CELF2: variants seen among roughly 807,000 people sequenced by gnomAD.
CELF2 encodes CUG triplet repeat RNA-binding protein 2.
A neutral mutation model predicts 62.6 loss-of-function variants in CELF2; 8 were observed. The ratio of observed to expected loss-of-function variants is 0.13; its 90% CI spans 0.07 to 0.23. The LOEUF (loss-of-function observed/expected upper bound fraction) is 0.23. Among genes scored for constraint, CELF2 ranks in the 10% least tolerant of loss-of-function variants. The pLI is 1.00. For synonymous variants in CELF2, 258 were observed against 250.0 expected (o/e 1.03, Z -0.30); for missense variants, 333 against 671.0 (o/e 0.50, Z 5.56).
chr10:11,156,881 A>G lies in CELF2; in HGVS notation c.75-8605A>G, dbSNP rs564205532. ...GCCAGTATGAAAGACAGGGAAGATG[A>G]GCCTAAAAGCTGATTGGAGGAAAAG... is the stretch of plus-strand genomic sequence containing the variant. On this transcript the variant is annotated intron_variant, in intron 1 of 12. Coordinates refer to ENST00000633077, the MANE Select transcript of CELF2 (RefSeq NM_001326342.2). The surrounding 1 kb of genome is among the most constrained non-coding windows in gnomAD (Gnocchi z 4.3). Among the ~76,000 whole-genome samples, 8 of 152,342 alleles carry G rather than the reference A, an allele frequency of 5.3e-5. No homozygotes were observed. In the South Asian group the frequency reaches 1.7e-3, roughly 32 times the overall value.
the CELF2 span, among the ~76,000 whole-genome samples, chr10:10,693,494 C>T: frequency 7.3e-5 from 11 of 151,662 alleles, no homozygotes; most frequent in South Asian, 4.2e-4. Context: ...TGTCTCTGCC[C>T]GGCTTTGGTA....
intron 1 of CELF2, among the ~76,000 whole-genome samples, chr10:10,820,385 G>T (rs1290334698): frequency 6.6e-6 from 1 of 152,134 alleles, no homozygotes; most frequent in Non-Finnish European, 1.5e-5. Context: ...TCTCAACTTT[G>T]ATCAATGACT....
intron 2 of CELF2, among the ~76,000 whole-genome samples, chr10:10,951,173 T>C (rs2048275981): frequency 6.6e-6 from 1 of 152,200 alleles, no homozygotes; most frequent in African/African-American, 2.4e-5. Flanking sequence ...TTTTTAGAGA[T>C]GGGGTCTCAC....
rs936816648 is a variant in CELF2 at position 11,296,024 on chromosome 10, G to A, written c.976+7472G>A. Among the ~76,000 whole-genome samples the A allele has an allele frequency of 2.6e-5, 4 of 152,092 alleles. No homozygotes were observed. Among genetic ancestry groups the A allele is most frequent in the Non-Finnish European group, 5.9e-5 (4 of 68,016 alleles). On this transcript the variant is annotated intron_variant, in intron 9 of 12. Coordinates refer to ENST00000633077, the MANE Select transcript of CELF2 (RefSeq NM_001326342.2). This position sits in a 1 kb window ranked among gnomAD's most constrained non-coding sequence, Gnocchi z 5.0. ...CTTAATAAAGCTGCGCAGCTTTGGGGGTAGAGATATTTACGGTTCACCACA... is the reference window on the plus strand; with the variant it reads ...CTTAATAAAGCTGCGCAGCTTTGGGAGTAGAGATATTTACGGTTCACCACA...
rs146660808 is a variant in CELF2 at position 11,255,648 on chromosome 10, T to C, written c.404-2090T>C. On this transcript the variant is annotated intron_variant, in intron 4 of 12. Transcript: ENST00000633077. This position sits in a 1 kb window ranked among gnomAD's most constrained non-coding sequence, Gnocchi z 5.5. ...TGCGGTGTCCCAGGAGCTGTCACAG[T>C]GGGGAGAGAGCTGGGTGGAAGGGAT... 0.011 allele frequency among the ~76,000 whole-genome samples: 1,607 copies of C among 152,240 alleles called. 10 individuals carry two copies. The highest frequency in any genetic ancestry group is 0.018 in the Non-Finnish European group (1,228 of 68,008).
chr10:10,685,477 A>C, the CELF2 span, among the ~76,000 whole-genome samples: 38 of 152,316 alleles, frequency 2.5e-4, 1 homozygote, highest in Middle Eastern at 6.8e-3. Flanking sequence ...GTAACTTATA[A>C]TGACAATGGC....
chr10:11,001,676 G>T (rs994618957), upstream of CELF2, among the ~76,000 whole-genome samples: 6 of 152,026 alleles, frequency 3.9e-5, no homozygotes. Flanking sequence ...CATCAAGTTT[G>T]CATTATTAGC....
chr10:10,472,829 CT>C, the CELF2 span, among the ~76,000 whole-genome samples: 1 of 151,984 alleles, frequency 6.6e-6, no homozygotes, highest in African/African-American at 2.4e-5. Flanking sequence ...TTTTATTAGT[CT>C]GGCCTCCTGG....
chr10:11,017,745 C>T (rs1456764669), upstream of CELF2, among the ~76,000 whole-genome samples: 1 of 151,890 alleles, frequency 6.6e-6, no homozygotes, highest in African/African-American at 2.4e-5. This position sits in a 1 kb window ranked among gnomAD's most constrained non-coding sequence, Gnocchi z 5.5. Context: ...GAAGTCTGGC[C>T]GTGCCCGGGC....
rs1452733240 is a variant in CELF2 at position 11,075,715 on chromosome 10, G to A, written c.74+57552G>A. ...GCAGGTGACATTGAGAATGAAATGG[G>A]GGTGAGCAGCCATCAGCGTTCTTAG... On this transcript the variant is annotated intron_variant, in intron 1 of 12. Transcript: ENST00000633077. The surrounding 1 kb of genome is among the most constrained non-coding windows in gnomAD (Gnocchi z 5.4). Among the ~76,000 whole-genome samples, 1 of 152,056 alleles carries A rather than the reference G, an allele frequency of 6.6e-6. No homozygotes were observed. Among genetic ancestry groups the A allele is most frequent in the South Asian group, 2.1e-4 (1 of 4,824 alleles).
At chr10:11,185,932 T>C (rs937847926) in intron 2 of CELF2, among the ~76,000 whole-genome samples, 1 of 152,232 alleles carries the variant, frequency 6.6e-6, no homozygotes, top group African/African-American at 2.4e-5. Context: ...TTTAGTTGTT[T>C]GGTAGAATTC....
At chr10:11,047,691 AAGT>A (rs1403907935) in intron 1 of CELF2, among the ~76,000 whole-genome samples, 1 of 152,202 alleles carries the variant, frequency 6.6e-6, no homozygotes, top group Non-Finnish European at 1.5e-5. Context: ...AGAAGATTTA[AAGT>A]AGTGATGAGA....
chr10:10,635,127 A>C, the CELF2 span, among the ~76,000 whole-genome samples: 7 of 152,166 alleles, frequency 4.6e-5, no homozygotes, highest in African/African-American at 1.7e-4. Context: ...CCTCACACTC[A>C]AGGGGCAGGG....
the CELF2 span, among the ~76,000 whole-genome samples, chr10:10,681,679 G>T: frequency 6.6e-6 from 1 of 152,080 alleles, no homozygotes; most frequent in South Asian, 2.1e-4. Flanking sequence ...AGGCTAACAG[G>T]CTAGATTTGG....
At chr10:10,658,304 T>C in the CELF2 span, among the ~76,000 whole-genome samples, 1 of 152,224 alleles carries the variant, frequency 6.6e-6, no homozygotes, top group Non-Finnish European at 1.5e-5. Context: ...ATTTGTTCTG[T>C]CTTAAACTGT....
At chr10:11,001,285 T>C (rs976951925), upstream of CELF2, among the ~76,000 whole-genome samples, 3 of 152,222 alleles carry the variant, frequency 2.0e-5, no homozygotes, top group Non-Finnish European at 4.4e-5. Flanking sequence ...CATTCCTGGA[T>C]TGTTCTTTTA....
At chr10:10,746,232 G>C in the CELF2 span, among the ~76,000 whole-genome samples, 2 of 152,008 alleles carry the variant, frequency 1.3e-5, no homozygotes, top group African/African-American at 4.8e-5. Context: ...ATTCTTTGAC[G>C]GCAACAAGTA....
chr10:11,026,127 T>C (rs929334293), intron 1 of CELF2, among the ~76,000 whole-genome samples: 3 of 152,244 alleles, frequency 2.0e-5, no homozygotes, highest in African/African-American at 7.2e-5. Context: ...TTTCTTGTTA[T>C]GCAGACACAT....
intron 1 of CELF2, among the ~76,000 whole-genome samples, chr10:10,891,379 G>T (rs867397662): frequency 1.4e-4 from 22 of 151,930 alleles, no homozygotes; most frequent in Admixed American, 1.3e-4. Context: ...TCTTAATATT[G>T]CACATGACAA....
Sources: gnomAD v4.1 joint callset for allele counts (sites outside exome capture counted in the v4.1 genomes callset) on GRCh38, gnomAD v4.1.1 for gene constraint, Gnocchi (gnomAD v3.1) non-coding constraint, MANE v1.5 for transcripts, NCBI Gene and HGNC (gene_info 2026-07-23, HGNC 2026-07-21) for gene names.